Variants in INTS10 observed in about 807,000 individuals in gnomAD.
The protein encoded by INTS10 is chromosome 8 open reading frame 35.
Under a neutral mutation model 94.4 loss-of-function variants are expected in INTS10, and 44 were observed. The observed-to-expected ratio is 0.47, with a 90% CI of 0.37 to 0.60. The LOEUF is 0.60. Ranked by LOEUF, INTS10 falls within the 20% of genes least tolerant of loss-of-function variation. The pLI is 0.00. For missense variants in INTS10, 797 were observed against 868.7 expected, an observed-to-expected ratio of 0.92 and a Z score of 1.04; for synonymous variants, 341 against 320.7, an observed-to-expected ratio of 1.06 and a Z score of -0.68.
Position 19,817,440 on chromosome 8 carries a change from CGG to C in INTS10, c.-97_-96del. On this transcript the variant is annotated 5_prime_UTR_variant, in exon 1 of 17. The change abolishes the stop of an existing upstream ORF in the 5' untranslated region. Transcript: ENST00000397977. ...CAGACATGCGCAGTAGCCTCCCCCG[CGG>C]TGGCGGCGGCGGCGGCGGTGGCTGC... 1 of 1,489,822 alleles carries C rather than the reference CGG, an allele frequency of 6.7e-7. No individual in the cohort carries two copies. Among genetic ancestry groups the C allele is most frequent in the Admixed American group, 2.1e-5 (1 of 47,444 alleles). The allele number at this position is 1,489,822 out of a possible 1,614,324, so 92.3% of individuals were successfully genotyped here.
At position 19,817,559 on chromosome 8, in the gene INTS10, G is replaced by A. The variant is rs1213214299; in HGVS notation, c.22G>A (p.Glu8Lys). 2 of 1,608,860 alleles carry A rather than the reference G, an allele frequency of 1.2e-6. No individual in the cohort carries two copies. The highest frequency in any genetic ancestry group is 1.7e-6 in the Non-Finnish European group (2 of 1,178,430). ...GGTCATGTCTGCCCAGGGGGACTGC[G>A]AGTTCCTGGTGCAGCGAGCCCGGGA... MSAQGDCEFLVQRARELV... is the reference protein window; with the variant it reads MSAQGDCKFLVQRARELV... Residue 8 changes from glutamate (E) to lysine (K), a missense_variant, in exon 1 of 17, where the codon GAG becomes AAG. This residue lies in a region of INTS10 where 734 missense variants were observed against 787.8 expected (regional missense o/e 0.93). Transcript: ENST00000397977.
chr8:19,819,617 G>C lies in INTS10; in HGVS notation c.242G>C (p.Ser81Thr). 6.2e-7 allele frequency: 1 copy of C among 1,613,492 alleles called. No individual in the cohort carries two copies. Among genetic ancestry groups the C allele is most frequent in the South Asian group, 1.1e-5 (1 of 90,978 alleles). ...CAGCCGGTGGTGTGGAGAGAAATCA[G>C]CATTATTACATCAGCATTAAGGAAC... is the stretch of plus-strand genomic sequence containing the variant. ...PDQPVVWREI[S>T]IITSALRNDS... The change falls in exon 3 of 17, where the codon AGC becomes ACC. Residue 81 changes from serine (S) to threonine (T), a missense_variant. Around this residue, in one of 3 missense-constraint regions of INTS10, gnomAD observed 734 missense variants for 787.8 expected, o/e 0.93. Transcript: ENST00000397977.
At chr8:19,828,616 G>T (rs1563373177) in intron 9 of INTS10, among the ~76,000 whole-genome samples, 1 of 152,164 alleles carries the variant, frequency 6.6e-6, no homozygotes, top group Non-Finnish European at 1.5e-5. Context: ...TCTGTAAGCT[G>T]CAGCACTAGC....
chr8:19,818,125 C>A, intron 1 of INTS10, 150 bp from the exon 2 acceptor site: 1 of 754,340 alleles, frequency 1.3e-6, no homozygotes. Context: ...AGCCCAATGG[C>A]AAGTCTGCCA....
Position 19,817,666 on chromosome 8 carries a change from G to T in INTS10, c.129G>T (p.Gln43His). Residue 43 changes from glutamine (Q) to histidine (H), a missense_variant and splice_region_variant, in exon 1 of 17, where the codon CAG becomes CAT. Transcript: ENST00000397977. ...TCTACCCGGCAGACTTTAACATCCA[G>T]GTGAGGTCCCGGCTGTGCATGCGGC... ...RSLYPADFNI[Q>H]YEMYTIERNA... is the part of the protein sequence containing the mutation. 1 of 1,605,600 alleles carries T rather than the reference G, an allele frequency of 6.2e-7. No homozygotes were observed.
chr8:19,823,813 G>C, intron 6 of INTS10, 60 bp from the exon 7 acceptor site: 1 of 1,370,108 alleles, frequency 7.3e-7, no homozygotes, highest in Non-Finnish European at 9.9e-7. Context: ...TCTTTATCAG[G>C]TACCATGTCA....
At chr8:19,831,987 C>G in intron 10 of INTS10, 41 bp from the exon 11 acceptor site, 1 of 1,123,674 alleles carries the variant, frequency 8.9e-7, no homozygotes, top group East Asian at 2.3e-5. Flanking sequence ...TGCTTCTTTG[C>G]TGCATATATT....
At position 19,836,762 on chromosome 8, in the gene INTS10, G is replaced by T. The variant is rs146739529; in HGVS notation, c.1531-290G>T. The stretch of plus-strand genomic sequence containing the variant: ...GGACATCTTTCTTTTGGCTGCTGCT[G>T]TGCTGTTGAACACCTCAGTACTTAA... On this transcript the variant is annotated intron_variant, in intron 12 of 16. Transcript: ENST00000397977. Among the ~76,000 whole-genome samples, 367 of 152,270 alleles carry T rather than the reference G, an allele frequency of 2.4e-3. 3 individuals carry two copies. The highest frequency in any genetic ancestry group is 8.4e-3 in the African/African-American group (349 of 41,562).
At chr8:19,844,378 C>A in intron 15 of INTS10, 140 bp downstream of exon 15, 2 of 664,368 alleles carry the variant, frequency 3.0e-6, no homozygotes, top group Non-Finnish European at 5.0e-6. Flanking sequence ...GGGATTAAAA[C>A]TGGGGCTGTG....
chr8:19,837,343 A>G (rs2067744821), intron 13 of INTS10, 183 bp downstream of exon 13: 1 of 572,058 alleles, frequency 1.7e-6, no homozygotes, highest in Non-Finnish European at 3.1e-6. Flanking sequence ...TTTAAAAAGA[A>G]AAGAAAAATA....
At position 19,851,223 on chromosome 8, in the gene INTS10, G is replaced by A. The variant is rs1380921465; in HGVS notation, c.1977-426G>A. 6.6e-6 allele frequency among the ~76,000 whole-genome samples: 1 copy of A among 152,172 alleles called. No homozygotes were observed. Among genetic ancestry groups the A allele is most frequent in the African/African-American group, 2.4e-5 (1 of 41,426 alleles). On this transcript the variant is annotated intron_variant, in intron 16 of 16. Coordinates refer to ENST00000397977, the MANE Select transcript of INTS10 (RefSeq NM_018142.4). This position sits in a 1 kb window ranked among gnomAD's most constrained non-coding sequence, Gnocchi z 5.0. ...CTCACTTGGGTGATTGGCTCATTCA[G>A]GTCTCCTCCCTCCTTGCTGCTGCCT...
chr8:19,841,641 T>C (rs536940937), intron 13 of INTS10, among the ~76,000 whole-genome samples: 2 of 152,120 alleles, frequency 1.3e-5, no homozygotes, highest in African/African-American at 4.8e-5. Flanking sequence ...ATGCAAAAAT[T>C]GAAGAGGATG....
chr8:19,827,798 C>G (rs1042233208), intron 9 of INTS10, among the ~76,000 whole-genome samples: 1 of 152,180 alleles, frequency 6.6e-6, no homozygotes. Context: ...GATTATCATT[C>G]TATCCCTGAG....
rs2066270306 is a variant in INTS10, at chr8:19,820,308, T to G, written c.302-71T>G. On this transcript the variant is annotated intron_variant, in intron 3 of 16. Transcript: ENST00000397977. ...TTACTGTTCTGTACATGAAAATGCC[T>G]TACTCAGCACTGTTGCTGCAGTCTT... is the stretch of plus-strand genomic sequence containing the variant. The G allele has an allele frequency of 4.8e-6, 7 of 1,459,432 alleles. No individual in the cohort carries two copies. In the South Asian group the frequency reaches 9.3e-5, roughly 19 times the overall value. 90.4% of individuals were successfully genotyped at this position (1,459,432 alleles called of 1,614,324 possible).
chr8:19,831,134 G>C (rs1390054806), intron 10 of INTS10, among the ~76,000 whole-genome samples: 8 of 152,210 alleles, frequency 5.3e-5, no homozygotes, highest in South Asian at 4.1e-4. Flanking sequence ...TTGGAATCGG[G>C]GCCCCTTATT....
intron 1 of INTS10, 70 bp downstream of exon 1, chr8:19,817,736 G>A (rs2066035091): frequency 2.0e-6 from 3 of 1,532,926 alleles, no homozygotes; most frequent in Non-Finnish European, 2.6e-6. Context: ...GGCTGCCCTG[G>A]CCCAGAGCTG....
Position 19,851,619 on chromosome 8 carries a change from C to A in INTS10, c.1977-30C>A. 1.2e-6 allele frequency: 2 copies of A among 1,612,472 alleles called. No individual in the cohort carries two copies. Among genetic ancestry groups the A allele is most frequent in the South Asian group, 2.2e-5 (2 of 90,982 alleles). Reference sequence around the variant, plus strand: ...AGCGATGCTGGTGCTAACCCCTGGTCTTTGTCTGTTTCCCTATTGCTGACC... The same window carrying A: ...AGCGATGCTGGTGCTAACCCCTGGTATTTGTCTGTTTCCCTATTGCTGACC... On this transcript the variant is annotated intron_variant, in intron 16 of 16. Coordinates refer to ENST00000397977, the MANE Select transcript of INTS10 (RefSeq NM_018142.4). This position sits in a 1 kb window ranked among gnomAD's most constrained non-coding sequence, Gnocchi z 5.0.
rs1004918688 is a variant in INTS10 at position 19,826,330 on chromosome 8, C to T, written c.1007-96C>T. ...CTCCCGAGCTCAGGCAATCCTCCTG[C>T]CTCAGCCTCCCAAAGGGCTGGGATT... On this transcript the variant is annotated intron_variant, in intron 8 of 16. Transcript: ENST00000397977. 7.0e-6 allele frequency: 9 copies of T among 1,290,000 alleles called. No homozygotes were observed. In the Admixed American group the frequency reaches 1.3e-4, roughly 18 times the overall value. The allele number at this position is 1,290,000 out of a possible 1,614,324, so 79.9% of individuals were successfully genotyped here. A position where few individuals can be genotyped will look rare whatever the true frequency, so the allele number is the denominator to read the frequency against.
chr8:19,849,407 A>T lies in INTS10; in HGVS notation c.1977-2242A>T, dbSNP rs1037234577. 1.3e-5 allele frequency among the ~76,000 whole-genome samples: 2 copies of T among 151,738 alleles called. No homozygotes were observed. The highest frequency in any genetic ancestry group is 4.8e-5 in the African/African-American group (2 of 41,302). ...TGGTTGTAATATTGTAACATTTCTTATTTTTTTTCCATAAGTTGCCAGTGT... is the reference window on the plus strand; with the variant it reads ...TGGTTGTAATATTGTAACATTTCTTTTTTTTTTTCCATAAGTTGCCAGTGT... On this transcript the variant is annotated intron_variant, in intron 16 of 16. Coordinates refer to ENST00000397977, the MANE Select transcript of INTS10 (RefSeq NM_018142.4). The surrounding 1 kb of genome is among the most constrained non-coding windows in gnomAD (Gnocchi z 4.6).
Sources: allele counts gnomAD v4.1 joint callset (sites outside exome capture counted in the v4.1 genomes callset), GRCh38; gene constraint gnomAD v4.1.1; regional missense constraint gnomAD v4.1.1; non-coding constraint Gnocchi (gnomAD v3.1); transcripts MANE v1.5; gene names NCBI Gene and HGNC (gene_info 2026-07-23, HGNC 2026-07-21).